NAV2: variants seen among roughly 807,000 people sequenced by gnomAD.
The protein encoded by NAV2 is neuron navigator 2, also known as helicase, APC down-regulated 1.
A neutral mutation model predicts 223.2 loss-of-function variants in NAV2; 54 were observed. The observed-to-expected ratio is 0.24, with a 90% CI of 0.19 to 0.30. The LOEUF is 0.30. NAV2 is among the 10% of genes least tolerant of loss of function. The probability of loss-of-function intolerance (pLI) is 1.00; values close to 1 mark genes in which losing one functional copy is unlikely to be tolerated. For missense variants in NAV2, 2,806 were observed against 3,147.5 expected, an observed-to-expected ratio of 0.89 and a Z score of 2.60; for synonymous variants, 1,279 against 1,239.3, an observed-to-expected ratio of 1.03 and a Z score of -0.67.
chr11:19,401,960 T>A (rs1482667463), intron 1 of NAV2: 1 of 152,220 alleles, frequency 6.6e-6, no homozygotes, highest in African/African-American at 2.4e-5. Flanking sequence ...TCGGGCGCAT[T>A]CAGGGTGGTA....
chr11:19,349,668 G>C (rs1236990149), upstream of NAV2, among the ~76,000 whole-genome samples: 1 of 152,176 alleles, frequency 6.6e-6, no homozygotes, highest in Non-Finnish European at 1.5e-5. Flanking sequence ...GCTGGTGTTG[G>C]GGGAGGAGGC....
intron 1 of NAV2, among the ~76,000 whole-genome samples, chr11:19,419,651 C>T (rs1850528675): frequency 6.6e-6 from 1 of 152,216 alleles, no homozygotes; most frequent in Non-Finnish European, 1.5e-5. Flanking sequence ...TTTGTTTACA[C>T]ACTTGGTGAG....
At chr11:19,581,385 T>C (rs1291323326) in intron 1 of NAV2, among the ~76,000 whole-genome samples, 1 of 152,224 alleles carries the variant, frequency 6.6e-6, no homozygotes, top group Non-Finnish European at 1.5e-5. Flanking sequence ...TTTTTATTAT[T>C]ATACTTTAAG....
chr11:20,001,199 C>T (rs974723845), intron 11 of NAV2, among the ~76,000 whole-genome samples: 2 of 152,164 alleles, frequency 1.3e-5, no homozygotes, highest in Non-Finnish European at 2.9e-5. Context: ...CCCTTCTTTG[C>T]CAGGCTAACA....
At chr11:19,407,351 A>C (rs976856247) in intron 1 of NAV2, among the ~76,000 whole-genome samples, 2 of 152,174 alleles carry the variant, frequency 1.3e-5, no homozygotes, top group African/African-American at 2.4e-5. Flanking sequence ...TGCCAACTTA[A>C]TGGTGGTCAG....
chr11:19,855,390 A>T (rs934861433), intron 3 of NAV2, among the ~76,000 whole-genome samples: 1 of 152,124 alleles, frequency 6.6e-6, no homozygotes, highest in Non-Finnish European at 1.5e-5. Flanking sequence ...GGTCATTCGA[A>T]ATCCTTGATT....
chr11:19,354,626 G>C (rs768586342), intron 1 of NAV2, among the ~76,000 whole-genome samples: 1 of 152,238 alleles, frequency 6.6e-6, no homozygotes, highest in Non-Finnish European at 1.5e-5. Flanking sequence ...TCAGTAAAGT[G>C]TGTGCTTTTA....
rs146769631 is a variant in NAV2, at chr11:19,589,151, G to A, written c.75+238124G>A. Among the ~76,000 whole-genome samples the A allele has an allele frequency of 1.2e-4, 19 of 152,264 alleles. No individual in the cohort carries two copies. The East Asian group carries it at 3.3e-3, about 26-fold the overall frequency. On this transcript the variant is annotated intron_variant, in intron 1 of 37. Transcript: ENST00000360655. Reference sequence around the variant, plus strand: ...GTCTAGAGGGAGACAGAGAAGTCCTGTATTTCTTGGATCCTAAGATGATAT... The same window carrying A: ...GTCTAGAGGGAGACAGAGAAGTCCTATATTTCTTGGATCCTAAGATGATAT...
At chr11:19,701,223 G>T (rs1296726258) in intron 1 of NAV2, among the ~76,000 whole-genome samples, 3 of 152,158 alleles carry the variant, frequency 2.0e-5, no homozygotes, top group African/African-American at 7.2e-5. Context: ...TGGGGGGTCT[G>T]CCAGAGTTTC....
At chr11:19,760,054 C>A (rs2054608880) in intron 1 of NAV2, 2 of 153,242 alleles carry the variant, frequency 1.3e-5, no homozygotes, top group South Asian at 4.1e-4. Flanking sequence ...CTGAGAGAGG[C>A]AAATGGATAG....
At chr11:19,644,481 T>G (rs2047762019) in intron 1 of NAV2, among the ~76,000 whole-genome samples, 1 of 152,240 alleles carries the variant, frequency 6.6e-6, no homozygotes, top group African/African-American at 2.4e-5. Context: ...GCCTTTTGAC[T>G]GAAGCTAAAG....
intron 1 of NAV2, among the ~76,000 whole-genome samples, chr11:19,596,973 G>C (rs554302562): frequency 2.6e-5 from 4 of 152,344 alleles, no homozygotes; most frequent in Non-Finnish European, 4.4e-5. Flanking sequence ...CAGGAGGCTA[G>C]AAGGTGGCCA....
intron 1 of NAV2, among the ~76,000 whole-genome samples, chr11:19,364,746 T>C (rs1854164985): frequency 6.6e-6 from 1 of 152,208 alleles, no homozygotes; most frequent in Non-Finnish European, 1.5e-5. Context: ...CACATGAACA[T>C]CCAGTTCTCC....
chr11:20,010,595 T>C (rs1193655900), intron 11 of NAV2, among the ~76,000 whole-genome samples: 1 of 152,204 alleles, frequency 6.6e-6, no homozygotes, highest in African/African-American at 2.4e-5. Flanking sequence ...TTGGATTTTT[T>C]AGAAAGCGCC....
chr11:19,352,806 C>A (rs1468171367), intron 1 of NAV2, among the ~76,000 whole-genome samples: 2 of 152,290 alleles, frequency 1.3e-5, no homozygotes, highest in African/African-American at 4.8e-5. Context: ...TCCTGATAGG[C>A]ATTGTGATCG....
chr11:19,727,513 C>G (rs951366477), intron 1 of NAV2, among the ~76,000 whole-genome samples: 4 of 152,220 alleles, frequency 2.6e-5, no homozygotes, highest in Non-Finnish European at 5.9e-5. Flanking sequence ...TCTCCATTGC[C>G]TTGTCTAATG....
chr11:19,896,916 A>T (rs1215102442), intron 6 of NAV2, among the ~76,000 whole-genome samples: 1 of 152,222 alleles, frequency 6.6e-6, no homozygotes, highest in Non-Finnish European at 1.5e-5. Context: ...TCATGCTGCT[A>T]TAAAGACACA....
intron 3 of NAV2, among the ~76,000 whole-genome samples, chr11:19,857,987 G>A (rs2061490704): frequency 6.6e-6 from 1 of 152,092 alleles, no homozygotes; most frequent in Non-Finnish European, 1.5e-5. Flanking sequence ...CTCCCAAGTC[G>A]CTGGGACTAC....
At position 19,414,260 on chromosome 11, in the gene NAV2, A is replaced by C. The variant is rs1362229852; in HGVS notation, c.75+63233A>C. Among the ~76,000 whole-genome samples the C allele has an allele frequency of 2.0e-5, 3 of 152,182 alleles. No homozygotes were observed. The East Asian group carries it at 5.8e-4, about 29-fold the overall frequency. On this transcript the variant is annotated intron_variant, in intron 1 of 37. Transcript: ENST00000360655. ...AATGGAAAGCAAAAACAAAAACCAAACAACCAACCAAACAAACAAAACGGG... is the reference window on the plus strand; with the variant it reads ...AATGGAAAGCAAAAACAAAAACCAACCAACCAACCAAACAAACAAAACGGG...
Sources: gnomAD v4.1 joint callset for allele counts (sites outside exome capture counted in the v4.1 genomes callset) on GRCh38, gnomAD v4.1.1 for gene constraint, MANE v1.5 for transcripts, NCBI Gene and HGNC (gene_info 2026-07-23, HGNC 2026-07-21) for gene names.